The following MAPK8IP3 variants were observed in gnomAD, a reference collection of about 807,000 sequenced individuals.
MAPK8IP3 encodes the protein C-Jun-amino-terminal kinase-interacting protein 3.
MAPK8IP3 carries 49 observed loss-of-function variants against 157.8 expected under a neutral mutation model. The ratio of observed to expected loss-of-function variants is 0.31; its 90% confidence interval spans 0.25 to 0.39. The LOEUF (loss-of-function observed/expected upper bound fraction) is 0.39. Ranked by LOEUF, MAPK8IP3 falls within the 10% of genes least tolerant of loss-of-function variation. MAPK8IP3 has a pLI of 1.00. For synonymous variants in MAPK8IP3, 897 were observed against 777.7 expected (o/e 1.15, Z -2.55); for missense variants, 1,478 against 1,889.4 (o/e 0.78, Z 4.04).
Position 1,724,708 on chromosome 16 carries a change from C to G in MAPK8IP3, c.439+31C>G, listed in dbSNP as rs371372069. The G allele has an allele frequency of 2.5e-6, 4 of 1,603,778 alleles. No homozygotes were observed. The highest frequency in any genetic ancestry group is 3.4e-6 in the Non-Finnish European group (4 of 1,173,998). On this transcript the variant is annotated intron_variant, in intron 2 of 31. Coordinates refer to ENST00000610761, the MANE Select transcript of MAPK8IP3 (RefSeq NM_001318852.2). This position sits in a 1 kb window ranked among gnomAD's most constrained non-coding sequence, Gnocchi z 4.1. ...TGGCTGGCGGGAGCCTGGAGGCGCG[C>G]TTGATGGGCGCTGCTCTGGGACGGC...
At chr16:1,718,238 G>GACAAGAA (rs1400369055) in intron 1 of MAPK8IP3, among the ~76,000 whole-genome samples, 1 of 150,402 alleles carries the variant, frequency 6.6e-6, no homozygotes, top group Non-Finnish European at 1.5e-5. Flanking sequence ...GGGCTGGAGT[G>GACAAGAA]CAATGTCATG....
chr16:1,730,000 G>T (rs1336525539), intron 4 of MAPK8IP3, among the ~76,000 whole-genome samples: 2 of 142,622 alleles, frequency 1.4e-5, no homozygotes, highest in Non-Finnish European at 3.0e-5. Flanking sequence ...CTTGAGCCCA[G>T]GAGTTCGAGC....
At chr16:1,734,772 G>A (rs2039549666) in intron 4 of MAPK8IP3, among the ~76,000 whole-genome samples, 1 of 152,280 alleles carries the variant, frequency 6.6e-6, no homozygotes, top group African/African-American at 2.4e-5. Context: ...CATCTGCTCA[G>A]CCAAAACCCC....
At position 1,769,237 on chromosome 16, in the gene MAPK8IP3, T is replaced by G; in HGVS notation, c.*413T>G. Reference sequence around the variant, plus strand: ...TGCCTGCCCTGGGCCCACCTCTGCATGCTGCTCATGGGGCCACCCTGCCTC... The same window carrying G: ...TGCCTGCCCTGGGCCCACCTCTGCAGGCTGCTCATGGGGCCACCCTGCCTC... On this transcript the variant is annotated 3_prime_UTR_variant, in exon 32 of 32. Transcript: ENST00000610761. 1 of 219,676 alleles carries G rather than the reference T, an allele frequency of 4.6e-6. No individual in the cohort carries two copies. Among genetic ancestry groups the G allele is most frequent in the East Asian group, 1.3e-4 (1 of 7,700 alleles). 13.6% of individuals were successfully genotyped at this position (219,676 alleles called of 1,614,324 possible). A position where few individuals can be genotyped will look rare whatever the true frequency, so the allele number is the denominator to read the frequency against.
At chr16:1,728,203 C>A (rs2039023118) in intron 2 of MAPK8IP3, among the ~76,000 whole-genome samples, 1 of 152,220 alleles carries the variant, frequency 6.6e-6, no homozygotes, top group South Asian at 2.1e-4. Flanking sequence ...TTGGGCAGAT[C>A]ACGTCTGGGG....
intron 4 of MAPK8IP3, among the ~76,000 whole-genome samples, chr16:1,736,600 G>A (rs2039870792): frequency 1.3e-5 from 1 of 74,514 alleles, no homozygotes; most frequent in Non-Finnish European, 2.7e-5. Flanking sequence ...CCATCCATGT[G>A]AGCATCCGTG....
At chr16:1,736,604 A>G (rs1224651975) in intron 4 of MAPK8IP3, among the ~76,000 whole-genome samples, 5 of 39,960 alleles carry the variant, frequency 1.3e-4, no homozygotes, top group East Asian at 7.1e-4. Flanking sequence ...CCATGTGAGC[A>G]TCCGTGTGAC....
rs1333038420 is a variant in MAPK8IP3, at chr16:1,743,066, G to A, written c.603-266G>A. ...GCCAAGTTCGTGCCACTGCACTCCA[G>A]CCTGGGTGACAGAGCGAGACTCCGC... On this transcript the variant is annotated intron_variant, in intron 4 of 31. Coordinates refer to ENST00000610761, the MANE Select transcript of MAPK8IP3 (RefSeq NM_001318852.2). The surrounding 1 kb of genome is among the most constrained non-coding windows in gnomAD (Gnocchi z 5.6). 6.6e-6 allele frequency among the ~76,000 whole-genome samples: 1 copy of A among 152,096 alleles called. No individual in the cohort carries two copies. The highest frequency in any genetic ancestry group is 2.4e-5 in the African/African-American group (1 of 41,390).
In MAPK8IP3 at chr16:1,706,722, A is replaced by AC; in HGVS notation, c.318+68dup. 19 of 1,424,986 alleles carry AC rather than the reference A, an allele frequency of 1.3e-5. No individual in the cohort carries two copies. Among genetic ancestry groups the AC allele is most frequent in the Non-Finnish European group, 1.7e-5 (19 of 1,088,386 alleles). The allele number at this position is 1,424,986 out of a possible 1,614,324, so 88.3% of individuals were successfully genotyped here. On this transcript the variant is annotated intron_variant, in intron 1 of 31. Coordinates refer to ENST00000610761, the MANE Select transcript of MAPK8IP3 (RefSeq NM_001318852.2). The surrounding 1 kb of genome is among the most constrained non-coding windows in gnomAD (Gnocchi z 5.1). The stretch of plus-strand genomic sequence containing the variant: ...ACCCCCAGCCAGCCCCGGGCCCCGG[A>AC]CCCAACACCCGTCCCGACCCCAGAC...
chr16:1,759,973 T>C lies in MAPK8IP3; in HGVS notation c.1262T>C (p.Val421Ala). 1 of 1,614,086 alleles carries C rather than the reference T, an allele frequency of 6.2e-7. No individual in the cohort carries two copies. Among genetic ancestry groups the C allele is most frequent in the Non-Finnish European group, 8.5e-7 (1 of 1,180,000 alleles). ...TCTGTTTCAGGAATGGGCAAAGAAG[T>C]GGGGAATCTGCTACTGGAAAACTCA... ...RDDFFGMGKE[V>A]GNLLLENSQL... Residue 421 changes from valine to alanine, a missense_variant, in exon 11 of 32, where the codon GTG becomes GCG. Val to Ala is a moderately conservative substitution (Grantham distance 64). Around this residue, in one of 11 missense-constraint regions of MAPK8IP3, gnomAD observed 315 missense variants for 394.4 expected, o/e 0.80. Transcript: ENST00000610761.
chr16:1,743,990 C>A lies in MAPK8IP3; in HGVS notation c.747+514C>A. On this transcript the variant is annotated intron_variant, in intron 5 of 31. Coordinates refer to ENST00000610761, the MANE Select transcript of MAPK8IP3 (RefSeq NM_001318852.2). This position sits in a 1 kb window ranked among gnomAD's most constrained non-coding sequence, Gnocchi z 5.6. The stretch of plus-strand genomic sequence containing the variant: ...CCTCCCTGCCTGTCCCTGGTAACGC[C>A]TCCTGGGTCCTGAGTTTGAGAAAGC... 3 of 997,048 alleles carry A rather than the reference C, an allele frequency of 3.0e-6. No individual in the cohort carries two copies. Among genetic ancestry groups the A allele is most frequent in the South Asian group, 8.7e-5 (2 of 23,102 alleles). 61.8% of individuals were successfully genotyped at this position (997,048 alleles called of 1,614,324 possible).
intron 10 of MAPK8IP3, 49 bp downstream of exon 10, chr16:1,759,044 T>C: frequency 3.1e-6 from 5 of 1,609,728 alleles, no homozygotes; most frequent in Middle Eastern, 3.3e-4. Context: ...CACCCCGACA[T>C]GGTCTCCTGC....
At chr16:1,740,126 G>A (rs554408456) in intron 4 of MAPK8IP3, among the ~76,000 whole-genome samples, 3 of 133,726 alleles carry the variant, frequency 2.2e-5, no homozygotes, top group Admixed American at 7.9e-5. Flanking sequence ...CCGTGTGAGC[G>A]TGTGACTGTC....
At position 1,710,607 on chromosome 16, in the gene MAPK8IP3, T is replaced by C. The variant is rs147028497; in HGVS notation, c.318+3950T>C. Among the ~76,000 whole-genome samples the C allele has an allele frequency of 1.8e-4, 28 of 152,318 alleles. No homozygotes were observed. Among genetic ancestry groups the C allele is most frequent in the Non-Finnish European group, 3.1e-4 (21 of 68,026 alleles). ...ATGATCAGTCTGCCATTTTTCCTTCTTTTTTTCTCCTCTGCGCCAGACGAT... is the reference window on the plus strand; with the variant it reads ...ATGATCAGTCTGCCATTTTTCCTTCCTTTTTTCTCCTCTGCGCCAGACGAT... On this transcript the variant is annotated intron_variant, in intron 1 of 31. Transcript: ENST00000610761. This position sits in a 1 kb window ranked among gnomAD's most constrained non-coding sequence, Gnocchi z 4.1.
intron 9 of MAPK8IP3, 135 bp downstream of exon 9, chr16:1,758,294 C>A: frequency 2.0e-6 from 2 of 977,802 alleles, no homozygotes; most frequent in South Asian, 1.5e-5. Context: ...TCTGCTTCTG[C>A]TCGCAGCCAC....
At position 1,729,206 on chromosome 16, in the gene MAPK8IP3, G is replaced by C; in HGVS notation, c.508G>C (p.Glu170Gln). Reference protein sequence around the residue: ...EYNALHQRHTEMIQTYVEHIE... With the variant: ...EYNALHQRHTQMIQTYVEHIE... Reference sequence around the variant, plus strand: ...CAATGCCCTGCACCAGCGGCACACAGAGGTGGGCGCCCAGAGGCAAGCGCG... The same window carrying C: ...CAATGCCCTGCACCAGCGGCACACACAGGTGGGCGCCCAGAGGCAAGCGCG... The change falls in exon 3 of 32, where the codon GAG (glutamate) becomes CAG (glutamine). Residue 170 changes from glutamate to glutamine, a missense_variant and splice_region_variant. By Grantham distance (29) the Glu-to-Gln change is conservative. Transcript: ENST00000610761. The C allele has an allele frequency of 4.3e-6, 7 of 1,613,872 alleles. No individual in the cohort carries two copies. The highest frequency in any genetic ancestry group is 5.9e-6 in the Non-Finnish European group (7 of 1,180,012).
At chr16:1,762,223 G>T (rs1321328940) in intron 13 of MAPK8IP3, 128 bp from the exon 14 acceptor site, 3 of 1,283,876 alleles carry the variant, frequency 2.3e-6, no homozygotes, top group Non-Finnish European at 3.1e-6. Context: ...CCTCCACACC[G>T]CTTCTTGCCT....
At chr16:1,767,385 C>T in intron 26 of MAPK8IP3, 88 bp downstream of exon 26, 2 of 1,564,168 alleles carry the variant, frequency 1.3e-6, no homozygotes, top group Non-Finnish European at 8.7e-7. Flanking sequence ...GTCCACGAGG[C>T]CCTACGTGGG....
chr16:1,750,506 C>A (rs1477690063), intron 8 of MAPK8IP3, among the ~76,000 whole-genome samples: 2 of 152,068 alleles, frequency 1.3e-5, no homozygotes, highest in African/African-American at 2.4e-5. Flanking sequence ...AGCCACCATG[C>A]CCGGCCGATA....
Sources: allele counts gnomAD v4.1 joint callset (sites outside exome capture counted in the v4.1 genomes callset), GRCh38; gene constraint gnomAD v4.1.1; regional missense constraint gnomAD v4.1.1; non-coding constraint Gnocchi (gnomAD v3.1); transcripts MANE v1.5; gene names NCBI Gene and HGNC (gene_info 2026-07-23, HGNC 2026-07-21).